Variants in APTX observed in about 807,000 individuals in gnomAD.
The protein encoded by APTX is aprataxin, also known as forkhead-associated domain histidine triad-like protein.
APTX carries 33 observed loss-of-function variants against 42.3 expected under a neutral mutation model. The ratio of observed to expected loss-of-function variants is 0.78; its 90% CI spans 0.59 to 1.04. APTX has a LOEUF of 1.04. APTX is among the 50% of genes least tolerant of loss of function. The pLI, the probability that APTX is intolerant of heterozygous loss-of-function variation, is 0.00. For missense variants in APTX, 421 were observed against 415.1 expected (o/e 1.01, Z -0.12); for synonymous variants, 130 against 146.7 (o/e 0.89, Z 0.82).
chr9:32,986,050 A>AC lies in APTX; in HGVS notation c.484-21_484-20insG, dbSNP rs1554664844. Reference sequence around the variant, plus strand: ...GGATTCCTAAAAAAAAAACAAAAAAAAAAACAAAAAAAAAAAAAAACAAGC... The same window carrying AC: ...GGATTCCTAAAAAAAAAACAAAAAAACAAAACAAAAAAAAAAAAAAACAAGC... On this transcript the variant is annotated intron_variant, in intron 4 of 7. Coordinates refer to ENST00000379817, the MANE Select transcript of APTX (RefSeq NM_001195248.2). 1.7e-3 allele frequency: 1,107 copies of AC among 664,334 alleles called. 19 individuals carry two copies. The Middle Eastern group carries it at 0.028, about 17-fold the overall frequency. The allele number at this position is 664,334 out of a possible 1,614,324, so 41.2% of individuals were successfully genotyped here. A position where few individuals can be genotyped will look rare whatever the true frequency, so the allele number is the denominator to read the frequency against.
At chr9:32,986,058 A>AC (rs373044218) in intron 4 of APTX, 28 bp from the exon 5 acceptor site, 57 of 1,159,218 alleles carry the variant, frequency 4.9e-5, no homozygotes, top group South Asian at 9.1e-5. Flanking sequence ...AAAAAAACAA[A>AC]AAAAAAAAAA....
At chr9:32,992,119 C>T (rs1833787095) in intron 1 of APTX, among the ~76,000 whole-genome samples, 1 of 152,144 alleles carries the variant, frequency 6.6e-6, no homozygotes, top group Non-Finnish European at 1.5e-5. Flanking sequence ...GATTGCCTCT[C>T]TAGACTCCAG....
At chr9:32,997,821 T>C (rs572935184) in intron 1 of APTX, among the ~76,000 whole-genome samples, 1 of 152,332 alleles carries the variant, frequency 6.6e-6, no homozygotes, top group African/African-American at 2.4e-5. Context: ...GAATGTTTGC[T>C]GAATGAATTA....
intron 6 of APTX, among the ~76,000 whole-genome samples, chr9:32,982,704 G>A (rs1012228860): frequency 3.9e-5 from 6 of 151,988 alleles, no homozygotes; most frequent in Non-Finnish European, 8.8e-5. Context: ...TCCTTAGCAC[G>A]ACAACATTCA....
upstream of APTX, among the ~76,000 whole-genome samples, chr9:33,006,273 A>G (rs1587631839): frequency 1.3e-5 from 2 of 152,170 alleles, no homozygotes; most frequent in Admixed American, 1.3e-4. Flanking sequence ...AAATTTTAAT[A>G]AAAAGAATTT....
intron 1 of APTX, among the ~76,000 whole-genome samples, chr9:32,999,835 G>A (rs529913265): frequency 6.6e-6 from 1 of 152,286 alleles, no homozygotes; most frequent in South Asian, 2.1e-4. Context: ...AATTAGCCGG[G>A]CGTGGTGGTA....
chr9:32,994,026 A>G (rs12378260), intron 1 of APTX, among the ~76,000 whole-genome samples: 10,733 of 152,152 alleles, frequency 0.071, 513 homozygotes, highest in Non-Finnish European at 0.11. Context: ...GCCCAGCTCT[A>G]TATCTTTCAT....
intron 1 of APTX, among the ~76,000 whole-genome samples, chr9:33,023,709 T>TAC (rs1180772693): frequency 6.6e-6 from 1 of 152,218 alleles, no homozygotes; most frequent in African/African-American, 2.4e-5. Flanking sequence ...AAAAGGCGTA[T>TAC]ATGGGAAACT....
intron 1 of APTX, among the ~76,000 whole-genome samples, chr9:33,023,556 G>A (rs1445608789): frequency 6.6e-6 from 1 of 152,194 alleles, no homozygotes; most frequent in African/African-American, 2.4e-5. Context: ...CAAAGCCCTA[G>A]TACACTGCCT....
intron 1 of APTX, among the ~76,000 whole-genome samples, chr9:33,017,133 T>TA (rs1423971533): frequency 6.6e-6 from 1 of 152,188 alleles, no homozygotes; most frequent in Non-Finnish European, 1.5e-5. Context: ...TCCTACAATT[T>TA]AATTCAGTGT....
At chr9:33,006,740 C>T (rs1377552927) in intron 1 of APTX, among the ~76,000 whole-genome samples, 2 of 151,986 alleles carry the variant, frequency 1.3e-5, no homozygotes, top group South Asian at 2.1e-4. Flanking sequence ...GTGGCTCACA[C>T]CTGTAATCCC....
intron 5 of APTX, 117 bp from the exon 6 acceptor site, chr9:32,984,974 G>A (rs1348070018): frequency 2.1e-6 from 2 of 936,264 alleles, no homozygotes; most frequent in East Asian, 5.2e-5. Context: ...GGTTTTAATA[G>A]CCCAGTTTTG....
intron 2 of APTX, chr9:32,989,468 T>G: frequency 1.9e-6 from 1 of 521,872 alleles, no homozygotes; most frequent in Non-Finnish European, 3.6e-6. Flanking sequence ...TTGCTGCCCA[T>G]TGAGCAATGT....
intron 1 of APTX, among the ~76,000 whole-genome samples, chr9:33,022,963 A>C (rs1334105478): frequency 2.0e-5 from 3 of 152,078 alleles, no homozygotes; most frequent in Non-Finnish European, 4.4e-5. Context: ...CAGCCTCCCA[A>C]GTAGCTGGGA....
chr9:32,996,089 T>C (rs894060033), intron 1 of APTX, among the ~76,000 whole-genome samples: 4 of 152,132 alleles, frequency 2.6e-5, no homozygotes, highest in African/African-American at 7.2e-5. Context: ...TGTTCAGCCA[T>C]AATGCTATTG....
intron 6 of APTX, among the ~76,000 whole-genome samples, chr9:32,976,986 C>T (rs953248247): frequency 1.3e-5 from 2 of 152,048 alleles, no homozygotes; most frequent in Admixed American, 6.6e-5. Flanking sequence ...ATTTGTTAAA[C>T]CTAAAATTAT....
intron 4 of APTX, 29 bp from the exon 5 acceptor site, chr9:32,986,059 A>AAAAAAAAAAAAAAAAAC: frequency 8.1e-7 from 1 of 1,240,058 alleles, no homozygotes; most frequent in African/African-American, 1.6e-5. Flanking sequence ...AAAAAACAAA[A>AAAAAAAAAAAAAAAAAC]AAAAAAAAAA....
chr9:33,021,653 T>C (rs889031777), intron 1 of APTX, among the ~76,000 whole-genome samples: 1 of 150,906 alleles, frequency 6.6e-6, no homozygotes, highest in African/African-American at 2.4e-5. Context: ...GAAGACCCTA[T>C]CTCTGCACAT....
chr9:33,016,036 T>C (rs1375639616), intron 1 of APTX: 1 of 152,238 alleles, frequency 6.6e-6, no homozygotes, highest in Non-Finnish European at 1.5e-5. Flanking sequence ...ATCAACTGAA[T>C]TTTTTTAAAT....
Sources: allele counts gnomAD v4.1 joint callset (sites outside exome capture counted in the v4.1 genomes callset), GRCh38; gene constraint gnomAD v4.1.1; transcripts MANE v1.5; gene names NCBI Gene and HGNC (gene_info 2026-07-23, HGNC 2026-07-21).